The following GRIN2B variants were observed in gnomAD, a reference collection of about 807,000 sequenced individuals.
The protein encoded by GRIN2B is glutamate receptor ionotropic, NMDA 2B.
GRIN2B carries 5 observed loss-of-function variants against 114.5 expected under a neutral mutation model. That is an observed-to-expected ratio of 0.04 (90% confidence interval 0.02 to 0.09). The LOEUF is 0.09. Among genes scored for constraint, GRIN2B ranks in the 10% least tolerant of loss-of-function variants. GRIN2B has a pLI of 1.00. For missense variants in GRIN2B, 1,108 were observed against 1,943.5 expected (o/e 0.57, Z 8.08); for synonymous variants, 787 against 745.1 (o/e 1.06, Z -0.92).
chr12:13,701,607 C>T (rs1274839379), intron 4 of GRIN2B, among the ~76,000 whole-genome samples: 1 of 151,616 alleles, frequency 6.6e-6, no homozygotes, highest in Non-Finnish European at 1.5e-5. Flanking sequence ...CCAACTACAA[C>T]AAGCAGTGCC....
intron 5 of GRIN2B, among the ~76,000 whole-genome samples, chr12:13,638,836 T>C (rs976506164): frequency 6.6e-6 from 1 of 152,050 alleles, no homozygotes; most frequent in African/African-American, 2.4e-5. Context: ...TCTATGGAAA[T>C]GGAAGGGTCT....
chr12:13,916,737 T>TTGTGTGTGTGTGTG (rs57501769), intron 2 of GRIN2B, among the ~76,000 whole-genome samples: 33,078 of 139,530 alleles, frequency 0.24, 4,435 homozygotes, highest in East Asian at 0.34. Context: ...ACACACACAT[T>TTGTGTGTGTGTGTG]TGTGTGTGTG....
intron 4 of GRIN2B, among the ~76,000 whole-genome samples, chr12:13,682,182 G>A (rs77640989): frequency 2.0e-5 from 3 of 152,068 alleles, no homozygotes; most frequent in South Asian, 2.1e-4. Flanking sequence ...CCAGTTTAGC[G>A]TGGTCAACAT....
intron 3 of GRIN2B, among the ~76,000 whole-genome samples, chr12:13,755,747 G>A (rs1427069645): frequency 1.3e-5 from 2 of 152,112 alleles, no homozygotes; most frequent in African/African-American, 2.4e-5. Context: ...GACTTTGGTC[G>A]GAATGTTTGC....
chr12:13,655,935 C>T (rs1949859042), intron 5 of GRIN2B, among the ~76,000 whole-genome samples: 1 of 152,228 alleles, frequency 6.6e-6, no homozygotes, highest in Admixed American at 6.5e-5. Flanking sequence ...CCTCTGCCTT[C>T]TGCCTTAGAT....
intron 2 of GRIN2B, among the ~76,000 whole-genome samples, chr12:13,907,833 A>G (rs1310322035): frequency 6.6e-6 from 1 of 152,186 alleles, no homozygotes. Context: ...ATGGCAAATT[A>G]CAGATTTAAT....
chr12:13,614,448 T>C (rs910942779), intron 8 of GRIN2B, among the ~76,000 whole-genome samples: 3 of 152,086 alleles, frequency 2.0e-5, no homozygotes, highest in Non-Finnish European at 4.4e-5. Context: ...GCAAAAAATA[T>C]GGGGTATGAG....
intron 2 of GRIN2B, among the ~76,000 whole-genome samples, chr12:13,967,829 G>A (rs558533619): frequency 2.0e-5 from 3 of 152,308 alleles, no homozygotes; most frequent in South Asian, 4.1e-4. Flanking sequence ...CAGGCATGAG[G>A]GGAGGTGGGG....
intron 4 of GRIN2B, among the ~76,000 whole-genome samples, chr12:13,676,453 A>G (rs1950075379): frequency 1.3e-5 from 2 of 152,142 alleles, no homozygotes. Context: ...TTTCCCTATC[A>G]GTGAAAACTA....
At position 13,917,532 on chromosome 12, in the gene GRIN2B, C is replaced by T. The variant is rs367672933; in HGVS notation, c.-18-51306G>A. Among the ~76,000 whole-genome samples, 17 of 152,218 alleles carry T rather than the reference C, an allele frequency of 1.1e-4. 1 individual carries two copies. Among genetic ancestry groups the T allele is most frequent in the Admixed American group, 2.6e-4 (4 of 15,280 alleles). ...CATAAAGTACAGTCCAATAGAGTGA[C>T]GCACAAGAAGGAAAAAGAGGACAGC... On this transcript the variant is annotated intron_variant, in intron 2 of 13. Transcript: ENST00000609686.
intron 4 of GRIN2B, among the ~76,000 whole-genome samples, chr12:13,694,693 ATATATAT>A (rs1950245246): frequency 8.3e-6 from 1 of 120,430 alleles, no homozygotes; most frequent in Non-Finnish European, 1.8e-5. Context: ...ATATATATAT[ATATATAT>A]ATAAATTAAT....
rs139365335 is a variant in GRIN2B, at chr12:13,918,493, T to C, written c.-18-52267A>G. 1.1e-3 allele frequency among the ~76,000 whole-genome samples: 174 copies of C among 152,360 alleles called. 3 individuals carry two copies. The East Asian group carries it at 0.033, about 29-fold the overall frequency. ...CAACCAAATACCATGCATTTATGCA[T>C]TAATAAGAGTTTGATGTTCTGAAAT... On this transcript the variant is annotated intron_variant, in intron 2 of 13. Coordinates refer to ENST00000609686, the MANE Select transcript of GRIN2B (RefSeq NM_000834.5).
rs115886193 is a variant in GRIN2B at position 13,610,921 on chromosome 12, A to T, written c.1780+804T>A. 4.4e-3 allele frequency among the ~76,000 whole-genome samples: 670 copies of T among 152,328 alleles called. 3 individuals carry two copies. The highest frequency in any genetic ancestry group is 0.015 in the African/African-American group (609 of 41,564). On this transcript the variant is annotated intron_variant, in intron 9 of 13. Transcript: ENST00000609686. ...CAGGTTTAAGAATCTTCCCTCTTGG[A>T]GGTTTAATTCTAGGATAGAGCTCAC...
At chr12:13,623,690 C>T (rs1218208699) in intron 5 of GRIN2B, among the ~76,000 whole-genome samples, 3 of 152,142 alleles carry the variant, frequency 2.0e-5, no homozygotes, top group East Asian at 3.9e-4. Flanking sequence ...GATAGTAACC[C>T]TTCATCTCTC....
At chr12:13,936,258 G>A (rs1261989166) in intron 2 of GRIN2B, among the ~76,000 whole-genome samples, 1 of 152,126 alleles carries the variant, frequency 6.6e-6, no homozygotes, top group Non-Finnish European at 1.5e-5. Context: ...AGAAGTGCTG[G>A]AGCTGATTGG....
intron 5 of GRIN2B, among the ~76,000 whole-genome samples, chr12:13,662,979 G>A (rs892603323): frequency 1.2e-4 from 18 of 152,200 alleles, no homozygotes; most frequent in African/African-American, 3.4e-4. Flanking sequence ...TGTGATCAGC[G>A]GCCCTTATGT....
intron 3 of GRIN2B, among the ~76,000 whole-genome samples, chr12:13,758,939 C>A (rs182766364): frequency 6.7e-6 from 1 of 148,834 alleles, no homozygotes; most frequent in South Asian, 2.1e-4. Flanking sequence ...ATATTGTAGA[C>A]GTTTTATTTA....
chr12:13,895,518 T>C (rs1054433334), intron 2 of GRIN2B, among the ~76,000 whole-genome samples: 1 of 152,188 alleles, frequency 6.6e-6, no homozygotes, highest in African/African-American at 2.4e-5. Flanking sequence ...CTAAAGCACG[T>C]CTGTTTTGTT....
rs200594704 is a variant in GRIN2B at position 13,808,750 on chromosome 12, AAAAT to A, written c.412-54839_412-54836del. Among the ~76,000 whole-genome samples, 117 of 111,806 alleles carry A rather than the reference AAAAT, an allele frequency of 1.0e-3. 4 individuals are homozygous for A. In the East Asian group the frequency reaches 0.013, roughly 12 times the overall value. 73.3% of individuals were successfully genotyped at this position (111,806 alleles called of 152,430 possible). ...CTAGAACTTAAAGTATAATAAAAAAAAAATATATATATATATATATACATATAAA... is the reference window on the plus strand; with the variant it reads ...CTAGAACTTAAAGTATAATAAAAAAAATATATATATATATATACATATAAA... On this transcript the variant is annotated intron_variant, in intron 3 of 13. Transcript: ENST00000609686.
Sources: gnomAD v4.1 joint callset for allele counts (sites outside exome capture counted in the v4.1 genomes callset) on GRCh38, gnomAD v4.1.1 for gene constraint, MANE v1.5 for transcripts, NCBI Gene and HGNC (gene_info 2026-07-23, HGNC 2026-07-21) for gene names.